DOCK2: variants seen among roughly 807,000 people sequenced by gnomAD.
DOCK2 encodes the protein dedicator of cytokinesis protein 2.
DOCK2 carries 87 observed loss-of-function variants against 248.9 expected under a neutral mutation model. The ratio of observed to expected loss-of-function variants is 0.35; its 90% CI spans 0.29 to 0.42. DOCK2 has a LOEUF of 0.42. DOCK2 is among the 10% of genes least tolerant of loss of function. The pLI, the probability that DOCK2 is intolerant of heterozygous loss-of-function variation, is 1.00. For synonymous variants in DOCK2, 805 were observed against 821.6 expected (o/e 0.98, Z 0.35); for missense variants, 1,747 against 2,300.2 (o/e 0.76, Z 4.92).
chr5:169,644,347 C>T (rs558853951), intron 1 of DOCK2, among the ~76,000 whole-genome samples: 7 of 152,134 alleles, frequency 4.6e-5, no homozygotes, highest in Admixed American at 2.6e-4. Context: ...CAAGAGATGG[C>T]GGTGGCTTGC....
intron 22 of DOCK2, among the ~76,000 whole-genome samples, chr5:169,740,826 A>G (rs1332980213): frequency 1.3e-5 from 2 of 151,994 alleles, no homozygotes; most frequent in East Asian, 3.8e-4. Context: ...ACCACTGTGT[A>G]TGTGTTTTGT....
At chr5:169,951,085 G>T (rs1776645660) in intron 27 of DOCK2, among the ~76,000 whole-genome samples, 1 of 152,202 alleles carries the variant, frequency 6.6e-6, no homozygotes, top group Admixed American at 6.5e-5. Flanking sequence ...GATGAGACCT[G>T]CCTGCCTTAT....
rs773106819 is a variant in DOCK2, at chr5:170,034,450, C to G, written c.3519C>G (p.Asn1173Lys). 6.2e-6 allele frequency: 10 copies of G among 1,614,204 alleles called. No homozygotes were observed. Among genetic ancestry groups the G allele is most frequent in the Non-Finnish European group, 7.6e-6 (9 of 1,180,024 alleles). Residue 1173 changes from asparagine (N) to lysine (K), a missense_variant, in exon 35 of 52, where the codon AAC becomes AAG. Transcript: ENST00000520908. ...CAACCATTGCCAAGTCGGTGGAGAACTTCGTGAACCTGGTCAAAGGCCTCC... is the reference window on the plus strand; with the variant it reads ...CAACCATTGCCAAGTCGGTGGAGAAGTTCGTGAACCTGGTCAAAGGCCTCC... ...EHPTIAKSVENFVNLVKGLLE... is the reference protein window; with the variant it reads ...EHPTIAKSVEKFVNLVKGLLE...
chr5:169,708,317 C>A, intron 15 of DOCK2, 50 bp downstream of exon 15: 1 of 1,543,920 alleles, frequency 6.5e-7, no homozygotes, highest in Non-Finnish European at 8.9e-7. Flanking sequence ...TACCATGAAC[C>A]AGGCACTGTT....
Position 169,940,977 on chromosome 5 carries a change from C to T in DOCK2, c.2800-42091C>T, listed in dbSNP as rs139858826. ...AGTGCCATGGCTGAGAGACCCTGTT[C>T]CATACTAATTCTTAGATAAACAGAG... On this transcript the variant is annotated intron_variant, in intron 27 of 51. Coordinates refer to ENST00000520908, the MANE Select transcript of DOCK2 (RefSeq NM_004946.3). Among the ~76,000 whole-genome samples the T allele has an allele frequency of 3.5e-3, 529 of 152,254 alleles. 5 individuals are homozygous for T. The South Asian group carries it at 0.043, about 12-fold the overall frequency.
chr5:169,835,330 C>G (rs775793110), intron 26 of DOCK2, among the ~76,000 whole-genome samples: 1 of 148,154 alleles, frequency 6.7e-6, no homozygotes, highest in Non-Finnish European at 1.5e-5. Context: ...TCTCGACTCA[C>G]TGCAACCTCT....
chr5:169,686,672 C>T (rs6897463), intron 8 of DOCK2, among the ~76,000 whole-genome samples: 3 of 152,150 alleles, frequency 2.0e-5, no homozygotes, highest in Non-Finnish European at 4.4e-5. Flanking sequence ...TAGCCAGGAT[C>T]GACATACAGT....
intron 22 of DOCK2, among the ~76,000 whole-genome samples, chr5:169,722,855 A>G (rs1762281805): frequency 6.6e-6 from 1 of 152,104 alleles, no homozygotes; most frequent in Admixed American, 6.5e-5. Flanking sequence ...TATCCTAAAC[A>G]TTTCTTACAG....
At chr5:169,648,071 T>A (rs1439695293) in intron 1 of DOCK2, among the ~76,000 whole-genome samples, 2 of 151,710 alleles carry the variant, frequency 1.3e-5, no homozygotes, top group Non-Finnish European at 2.9e-5. Flanking sequence ...AGTGCAAGAG[T>A]GTGTGAGAAT....
chr5:170,024,154 A>G (rs145957308), intron 33 of DOCK2, among the ~76,000 whole-genome samples: 23 of 152,326 alleles, frequency 1.5e-4, no homozygotes, highest in Admixed American at 2.6e-4. Context: ...TAGTGGCTCA[A>G]TACAAATCTG....
intron 27 of DOCK2, among the ~76,000 whole-genome samples, chr5:169,900,846 G>A (rs1319300184): frequency 6.6e-6 from 1 of 152,028 alleles, no homozygotes; most frequent in Non-Finnish European, 1.5e-5. Flanking sequence ...AGCCTGCCTG[G>A]AATTGACTGT....
At chr5:169,736,792 T>G (rs545019387) in intron 22 of DOCK2, among the ~76,000 whole-genome samples, 1 of 152,308 alleles carries the variant, frequency 6.6e-6, no homozygotes, top group South Asian at 2.1e-4. Context: ...GCCATAAAAC[T>G]TAGTTTCTTT....
intron 5 of DOCK2, among the ~76,000 whole-genome samples, chr5:169,672,330 C>T (rs1291011861): frequency 2.0e-5 from 3 of 152,102 alleles, no homozygotes; most frequent in Non-Finnish European, 4.4e-5. Context: ...TAAAACATCA[C>T]AATCACACGT....
intron 40 of DOCK2, among the ~76,000 whole-genome samples, chr5:170,049,867 G>A (rs1001944574): frequency 6.6e-6 from 1 of 152,234 alleles, no homozygotes; most frequent in Admixed American, 6.5e-5. Flanking sequence ...GGATATGAAT[G>A]CTGAACCATT....
intron 32 of DOCK2, among the ~76,000 whole-genome samples, chr5:170,016,512 T>C (rs76270327): frequency 0.057 from 8,628 of 152,268 alleles, 814 homozygotes; most frequent in African/African-American, 0.2. Flanking sequence ...GTAAGGGCCA[T>C]TGAGGTCACA....
intron 22 of DOCK2, among the ~76,000 whole-genome samples, chr5:169,725,012 G>C (rs190498650): frequency 1.5e-3 from 234 of 152,288 alleles, no homozygotes; most frequent in Non-Finnish European, 2.7e-3. Context: ...GTGCTTGCCA[G>C]TGTGATTTGT....
At chr5:169,872,565 T>G (rs1398916806) in intron 27 of DOCK2, among the ~76,000 whole-genome samples, 6 of 152,204 alleles carry the variant, frequency 3.9e-5, no homozygotes, top group Admixed American at 3.9e-4. Context: ...CTTCTTGGCA[T>G]GTATATAAAT....
intron 26 of DOCK2, among the ~76,000 whole-genome samples, chr5:169,804,590 T>G (rs1322061775): frequency 6.6e-6 from 1 of 152,108 alleles, no homozygotes; most frequent in Admixed American, 6.5e-5. Context: ...ATATCTCTAT[T>G]TGTTGGTTTC....
intron 26 of DOCK2, among the ~76,000 whole-genome samples, chr5:169,806,937 A>G (rs1221959989): frequency 6.7e-6 from 1 of 148,846 alleles, no homozygotes; most frequent in Non-Finnish European, 1.5e-5. Context: ...TCACCCTTCA[A>G]TGCCCCACGT....
Sources: allele counts gnomAD v4.1 joint callset (sites outside exome capture counted in the v4.1 genomes callset), GRCh38; gene constraint gnomAD v4.1.1; transcripts MANE v1.5; gene names NCBI Gene and HGNC (gene_info 2026-07-23, HGNC 2026-07-21).